The following PLGRKT variants were observed in gnomAD, a reference collection of about 807,000 sequenced individuals.
The protein encoded by PLGRKT is plasminogen receptor with a C-terminal lysine.
A neutral mutation model predicts 18.5 loss-of-function variants in PLGRKT; 22 were observed. That is an observed-to-expected ratio of 1.19 (90% CI 0.85 to 1.70). The LOEUF (loss-of-function observed/expected upper bound fraction) is 1.70. Ranked by LOEUF, PLGRKT falls within the 40% of genes most tolerant of loss-of-function variation. PLGRKT has a pLI of 0.00. For missense variants in PLGRKT, 235 were observed against 174.4 expected (o/e 1.35, Z -1.96); for synonymous variants, 72 against 52.8 (o/e 1.36, Z -1.58).
At chr9:5,411,417 G>C (rs1301300355) in intron 3 of PLGRKT, among the ~76,000 whole-genome samples, 6 of 151,504 alleles carry the variant, frequency 4.0e-5, no homozygotes, top group African/African-American at 1.5e-4. Flanking sequence ...AAAGAAAAGA[G>C]GGAAACACTA....
At chr9:5,421,904 T>C (rs1818582617) in intron 3 of PLGRKT, among the ~76,000 whole-genome samples, 1 of 152,194 alleles carries the variant, frequency 6.6e-6, no homozygotes, top group African/African-American at 2.4e-5. Context: ...TGACTACAAC[T>C]GATTAAAGAG....
chr9:5,362,966 G>A (rs143396514), intron 3 of PLGRKT, among the ~76,000 whole-genome samples: 1,822 of 152,180 alleles, frequency 0.012, 52 homozygotes, highest in African/African-American at 0.042. Flanking sequence ...CTTGCAGAGA[G>A]CACACCTAAG....
chr9:5,433,386 C>T (rs75104917), intron 2 of PLGRKT, among the ~76,000 whole-genome samples: 4 of 148,238 alleles, frequency 2.7e-5, no homozygotes, highest in South Asian at 2.2e-4. Flanking sequence ...GACCGTCCAC[C>T]GTCTGGGATG....
intron 2 of PLGRKT, among the ~76,000 whole-genome samples, chr9:5,436,089 G>A (rs756165523): frequency 1.1e-4 from 16 of 152,204 alleles, no homozygotes; most frequent in Admixed American, 9.2e-4. Flanking sequence ...TGTGCCACTC[G>A]AGCACCCTGT....
intron 3 of PLGRKT, among the ~76,000 whole-genome samples, chr9:5,364,027 T>C (rs551367974): frequency 5.4e-4 from 83 of 152,314 alleles, no homozygotes; most frequent in African/African-American, 1.8e-3. Flanking sequence ...ATACAGCAAT[T>C]AATTATTTGT....
chr9:5,358,753 T>G (rs553071376), intron 5 of PLGRKT, among the ~76,000 whole-genome samples: 2 of 152,218 alleles, frequency 1.3e-5, no homozygotes, highest in African/African-American at 4.8e-5. Context: ...TACTACAAAT[T>G]CTAATTTTTC....
intron 3 of PLGRKT, among the ~76,000 whole-genome samples, chr9:5,430,312 T>A (rs1317318485): frequency 6.6e-6 from 1 of 152,238 alleles, no homozygotes; most frequent in Non-Finnish European, 1.5e-5. Context: ...TTTCCAAAGG[T>A]CTTTGACAAG....
chr9:5,410,235 C>T (rs894889838), intron 3 of PLGRKT, among the ~76,000 whole-genome samples: 1 of 151,970 alleles, frequency 6.6e-6, no homozygotes, highest in African/African-American at 2.4e-5. Context: ...AAACTCAAGA[C>T]ATAGAAATTA....
chr9:5,414,814 G>C (rs1209860090), intron 3 of PLGRKT, among the ~76,000 whole-genome samples: 1 of 151,908 alleles, frequency 6.6e-6, no homozygotes, highest in Non-Finnish European at 1.5e-5. Flanking sequence ...CCCAGTACCT[G>C]AGGAAAAAAA....
At chr9:5,385,446 T>C (rs1429444081) in intron 3 of PLGRKT, among the ~76,000 whole-genome samples, 1 of 151,614 alleles carries the variant, frequency 6.6e-6, no homozygotes, top group Non-Finnish European at 1.5e-5. Flanking sequence ...TCCTCCTGCC[T>C]CGTGATCCTC....
Position 5,432,000 on chromosome 9 carries a change from G to A in PLGRKT, c.-6-17C>T. 2 of 1,124,434 alleles carry A rather than the reference G, an allele frequency of 1.8e-6. No individual in the cohort carries two copies. Among genetic ancestry groups the A allele is most frequent in the South Asian group, 2.5e-5 (2 of 80,046 alleles). The allele number at this position is 1,124,434 out of a possible 1,614,324, so 69.7% of individuals were successfully genotyped here. On this transcript the variant is annotated splice_polypyrimidine_tract_variant and intron_variant, in intron 2 of 5. Coordinates refer to ENST00000223864, the MANE Select transcript of PLGRKT (RefSeq NM_018465.4). ...CATTTTGACCTAAAATGTAAAAAAA[G>A]CAAGGAGACTTATAATAATACACTA...
chr9:5,363,488 T>C (rs1479167673), intron 3 of PLGRKT, among the ~76,000 whole-genome samples: 1 of 152,060 alleles, frequency 6.6e-6, no homozygotes, highest in Admixed American at 6.5e-5. Context: ...CTCCAGCTGA[T>C]GTGAGAACCT....
At chr9:5,409,659 G>A (rs1300543403) in intron 3 of PLGRKT, among the ~76,000 whole-genome samples, 2 of 152,178 alleles carry the variant, frequency 1.3e-5, no homozygotes, top group Non-Finnish European at 2.9e-5. Flanking sequence ...AAAGCCACAG[G>A]GATGGAGCTG....
At chr9:5,372,358 T>G (rs1182489528) in intron 3 of PLGRKT, among the ~76,000 whole-genome samples, 1 of 152,162 alleles carries the variant, frequency 6.6e-6, no homozygotes, top group Non-Finnish European at 1.5e-5. Context: ...ATATTCATAT[T>G]CTAATATGCC....
intron 3 of PLGRKT, among the ~76,000 whole-genome samples, chr9:5,368,984 G>A (rs974789942): frequency 6.6e-6 from 1 of 152,098 alleles, no homozygotes; most frequent in Non-Finnish European, 1.5e-5. Flanking sequence ...TTATACGTAA[G>A]ACCTAAAGCC....
chr9:5,388,659 C>G (rs1256519222), intron 3 of PLGRKT, among the ~76,000 whole-genome samples: 1 of 152,030 alleles, frequency 6.6e-6, no homozygotes, highest in Non-Finnish European at 1.5e-5. Flanking sequence ...TCGCCCTGGT[C>G]CTAAAGGTCA....
At chr9:5,387,043 A>G (rs1278786436) in intron 3 of PLGRKT, among the ~76,000 whole-genome samples, 1 of 151,908 alleles carries the variant, frequency 6.6e-6, no homozygotes, top group Non-Finnish European at 1.5e-5. Context: ...GAGCTCCTCA[A>G]ACTTTAATGT....
At chr9:5,435,742 A>G (rs1308176405) in intron 2 of PLGRKT, among the ~76,000 whole-genome samples, 4 of 152,172 alleles carry the variant, frequency 2.6e-5, no homozygotes, top group African/African-American at 4.8e-5. Flanking sequence ...CAACTGCTCT[A>G]CCCTTCTCAA....
intron 3 of PLGRKT, among the ~76,000 whole-genome samples, chr9:5,396,659 T>C (rs1196499971): frequency 2.0e-5 from 3 of 152,054 alleles, no homozygotes; most frequent in Non-Finnish European, 4.4e-5. Flanking sequence ...TTGCATTTAA[T>C]GACTCTTTAT....
Sources: allele counts gnomAD v4.1 joint callset (sites outside exome capture counted in the v4.1 genomes callset), GRCh38; gene constraint gnomAD v4.1.1; transcripts MANE v1.5; gene names NCBI Gene and HGNC (gene_info 2026-07-23, HGNC 2026-07-21).